OPCML: variants seen among roughly 807,000 people sequenced by gnomAD.
OPCML encodes opioid binding protein/cell adhesion molecule like.
OPCML carries 13 observed loss-of-function variants against 37.8 expected under a neutral mutation model. That is an observed-to-expected ratio of 0.34 (90% CI 0.22 to 0.55). OPCML has a LOEUF of 0.55. Ranked by LOEUF, OPCML falls within the 20% of genes least tolerant of loss-of-function variation. The pLI is 0.91. For synonymous variants in OPCML, 176 were observed against 168.8 expected (o/e 1.04, Z -0.33); for missense variants, 341 against 435.6 (o/e 0.78, Z 1.93).
At chr11:133,463,107 T>C (rs1034352666) in intron 1 of OPCML, among the ~76,000 whole-genome samples, 3 of 118,916 alleles carry the variant, frequency 2.5e-5, no homozygotes, top group Admixed American at 1.0e-4. Context: ...TATGAGTTCA[T>C]GACATCAGGC....
chr11:133,284,813 G>A (rs1464666803), intron 1 of OPCML, among the ~76,000 whole-genome samples: 1 of 152,052 alleles, frequency 6.6e-6, no homozygotes, highest in Non-Finnish European at 1.5e-5. Flanking sequence ...ATGCAAAATA[G>A]GGATAATAAT....
chr11:132,543,179 T>C (rs76104175), intron 3 of OPCML, among the ~76,000 whole-genome samples: 2,322 of 152,274 alleles, frequency 0.015, 55 homozygotes, highest in African/African-American at 0.048. Context: ...TAGCTGTGAA[T>C]AAATGATATG....
chr11:132,737,233 A>C (rs1226041558), intron 2 of OPCML, among the ~76,000 whole-genome samples: 1 of 152,182 alleles, frequency 6.6e-6, no homozygotes, highest in African/African-American at 2.4e-5. Flanking sequence ...ATTAGATTCC[A>C]AACAGAGATC....
At chr11:132,797,721 TAGAAA>T (rs1359715448) in intron 2 of OPCML, among the ~76,000 whole-genome samples, 1 of 152,180 alleles carries the variant, frequency 6.6e-6, no homozygotes, top group Non-Finnish European at 1.5e-5. Context: ...AATGGGTCAG[TAGAAA>T]AGAAAACATA....
chr11:132,685,414 T>A (rs1164055737), intron 2 of OPCML, among the ~76,000 whole-genome samples: 1 of 152,204 alleles, frequency 6.6e-6, no homozygotes, highest in East Asian at 1.9e-4. Flanking sequence ...GTCTGTAGCC[T>A]ACATTTTCTT....
chr11:132,489,897 G>T (rs901641540), intron 4 of OPCML, among the ~76,000 whole-genome samples: 1 of 152,028 alleles, frequency 6.6e-6, no homozygotes, highest in Non-Finnish European at 1.5e-5. Flanking sequence ...GTGTCCATGT[G>T]TTCTCATTGT....
At chr11:133,280,971 C>T (rs7937789) in intron 1 of OPCML, among the ~76,000 whole-genome samples, 4,974 of 152,214 alleles carry the variant, frequency 0.033, 244 homozygotes, top group African/African-American at 0.11. Context: ...GCAATGTTCT[C>T]GTCCCTTAGG....
intron 1 of OPCML, among the ~76,000 whole-genome samples, chr11:133,359,016 G>C (rs1350184387): frequency 6.6e-6 from 1 of 152,102 alleles, no homozygotes; most frequent in African/African-American, 2.4e-5. Flanking sequence ...CCTACTGATT[G>C]TGGCAAAAAC....
At chr11:132,489,613 G>T (rs532790285) in intron 4 of OPCML, among the ~76,000 whole-genome samples, 67 of 152,134 alleles carry the variant, frequency 4.4e-4, no homozygotes, top group Non-Finnish European at 9.4e-4. Context: ...GCAACTGTGA[G>T]TTTTCAGCTC....
rs1382402471 is a variant in OPCML, at chr11:133,117,531, C to A, written c.62-174521G>T. Among the ~76,000 whole-genome samples the A allele has an allele frequency of 3.3e-5, 5 of 152,132 alleles. No individual in the cohort carries two copies. The East Asian group carries it at 9.7e-4, about 29-fold the overall frequency. On this transcript the variant is annotated intron_variant, in intron 1 of 7. Coordinates refer to ENST00000524381, the MANE Select transcript of OPCML (RefSeq NM_001012393.5). ...TCTTTCTCTCACTCTCTCTTTCCCA[C>A]CATATACCTATTTCTGACATAGGTA...
At chr11:132,559,238 C>T (rs2096405069) in intron 3 of OPCML, among the ~76,000 whole-genome samples, 1 of 151,774 alleles carries the variant, frequency 6.6e-6, no homozygotes, top group Admixed American at 6.6e-5. Context: ...CTCCCACTGT[C>T]AAATCTATCT....
intron 1 of OPCML, chr11:133,003,601 T>C (rs903849991): frequency 1.0e-6 from 1 of 965,172 alleles, no homozygotes; most frequent in Non-Finnish European, 1.2e-6. Flanking sequence ...AGTTGGATAT[T>C]GGCTGGAGAG....
At chr11:133,277,673 T>A (rs567046392) in intron 1 of OPCML, among the ~76,000 whole-genome samples, 2 of 152,140 alleles carry the variant, frequency 1.3e-5, no homozygotes, top group Non-Finnish European at 2.9e-5. Context: ...CCAGTACATG[T>A]ATCCAGTGTA....
chr11:132,830,505 C>G (rs574670182), intron 2 of OPCML, among the ~76,000 whole-genome samples: 1 of 152,292 alleles, frequency 6.6e-6, no homozygotes, highest in Admixed American at 6.5e-5. Context: ...CCTGCAGTGT[C>G]GGTTCACCAG....
intron 1 of OPCML, among the ~76,000 whole-genome samples, chr11:133,096,159 T>C (rs1306002539): frequency 6.6e-6 from 1 of 151,696 alleles, no homozygotes; most frequent in Non-Finnish European, 1.5e-5. Flanking sequence ...TGTGTGTTTA[T>C]GTGTAAGTGA....
intron 2 of OPCML, among the ~76,000 whole-genome samples, chr11:132,911,534 T>C (rs1290161463): frequency 6.6e-6 from 1 of 152,146 alleles, no homozygotes; most frequent in Non-Finnish European, 1.5e-5. Context: ...GACTGACATG[T>C]TATGCGAAAG....
At chr11:133,288,358 C>T (rs1942363016) in intron 1 of OPCML, among the ~76,000 whole-genome samples, 1 of 152,204 alleles carries the variant, frequency 6.6e-6, no homozygotes. Flanking sequence ...AACCCATGGT[C>T]AAGTTGCCTA....
At chr11:132,724,261 G>C (rs1944788248) in intron 2 of OPCML, among the ~76,000 whole-genome samples, 1 of 152,152 alleles carries the variant, frequency 6.6e-6, no homozygotes, top group Non-Finnish European at 1.5e-5. Context: ...ATGCTGACCT[G>C]ATCAAGTTCG....
intron 1 of OPCML, among the ~76,000 whole-genome samples, chr11:133,229,886 A>G (rs1565517738): frequency 6.6e-6 from 1 of 151,884 alleles, no homozygotes; most frequent in Non-Finnish European, 1.5e-5. Flanking sequence ...TTTCAGTTTT[A>G]TTGTGTGTGT....
Sources: allele counts gnomAD v4.1 joint callset (sites outside exome capture counted in the v4.1 genomes callset), GRCh38; gene constraint gnomAD v4.1.1; transcripts MANE v1.5; gene names NCBI Gene and HGNC (gene_info 2026-07-23, HGNC 2026-07-21).